Variants in CDK14 observed in about 807,000 individuals in gnomAD.
CDK14 encodes cyclin dependent kinase 14.
Under a neutral mutation model 60.7 loss-of-function variants are expected in CDK14, and 34 were observed. The ratio of observed to expected loss-of-function variants is 0.56; its 90% CI spans 0.43 to 0.75. CDK14 has a LOEUF of 0.75. Ranked by LOEUF, CDK14 falls within the 30% of genes least tolerant of loss-of-function variation. The pLI, the probability that CDK14 is intolerant of heterozygous loss-of-function variation, is 0.00. For missense variants in CDK14, 482 were observed against 564.1 expected (o/e 0.85, Z 1.47); for synonymous variants, 197 against 203.7 (o/e 0.97, Z 0.28).
chr7:90,713,982 C>T (rs962476265), intron 2 of CDK14, among the ~76,000 whole-genome samples: 1 of 152,058 alleles, frequency 6.6e-6, no homozygotes, highest in South Asian at 2.1e-4. Context: ...GTAATAAGAG[C>T]TCAACAAGTT....
intron 7 of CDK14, among the ~76,000 whole-genome samples, chr7:90,909,833 A>G (rs553677854): frequency 5.3e-5 from 8 of 152,336 alleles, no homozygotes; most frequent in African/African-American, 1.7e-4. Context: ...ATCTTAAAGA[A>G]TGTAAATTAA....
chr7:90,996,618 C>T (rs1795690133), intron 10 of CDK14, among the ~76,000 whole-genome samples: 1 of 152,200 alleles, frequency 6.6e-6, no homozygotes, highest in African/African-American at 2.4e-5. Context: ...TCATTTGTCT[C>T]TTTTGACAAT....
intron 2 of CDK14, among the ~76,000 whole-genome samples, chr7:90,699,528 A>G (rs1015002356): frequency 2.0e-5 from 3 of 152,174 alleles, no homozygotes; most frequent in African/African-American, 7.2e-5. Context: ...TTGAGTTTAC[A>G]TTATTCTTAA....
chr7:90,635,566 G>A (rs1409937083), intron 2 of CDK14, among the ~76,000 whole-genome samples: 1 of 152,204 alleles, frequency 6.6e-6, no homozygotes, highest in Non-Finnish European at 1.5e-5. Flanking sequence ...GTCAGGTATT[G>A]TGATGCCTCC....
chr7:90,963,921 G>A (rs1369942196), intron 9 of CDK14, among the ~76,000 whole-genome samples: 1 of 151,838 alleles, frequency 6.6e-6, no homozygotes, highest in Non-Finnish European at 1.5e-5. Context: ...TCACCATGTT[G>A]GTCAGGCTGG....
intron 14 of CDK14, among the ~76,000 whole-genome samples, chr7:91,191,594 A>C (rs1802363886): frequency 6.6e-6 from 1 of 151,726 alleles, no homozygotes; most frequent in Non-Finnish European, 1.5e-5. Context: ...TAGTTCTTCA[A>C]ACATACCACA....
At position 90,653,722 on chromosome 7, in the gene CDK14, G is replaced by A. The variant is rs180875667; in HGVS notation, c.123+49473G>A. On this transcript the variant is annotated intron_variant, in intron 2 of 14. Transcript: ENST00000380050. Reference sequence around the variant, plus strand: ...CTAGGGTACATGTGCACAATGTGCAGGTTTGTTACATATGTATACATGTGC... The same window carrying A: ...CTAGGGTACATGTGCACAATGTGCAAGTTTGTTACATATGTATACATGTGC... Among the ~76,000 whole-genome samples, 200 of 152,162 alleles carry A rather than the reference G, an allele frequency of 1.3e-3. 3 individuals carry two copies. Among genetic ancestry groups the A allele is most frequent in the Middle Eastern group, 3.4e-3 (1 of 294 alleles).
chr7:90,703,888 C>T (rs907819147), intron 2 of CDK14, among the ~76,000 whole-genome samples: 1 of 152,154 alleles, frequency 6.6e-6, no homozygotes, highest in Non-Finnish European at 1.5e-5. Flanking sequence ...GAGTTTGAGA[C>T]CAACCTGGGC....
At chr7:91,174,390 C>T (rs1221002644) in intron 14 of CDK14, among the ~76,000 whole-genome samples, 3 of 149,818 alleles carry the variant, frequency 2.0e-5, no homozygotes, top group Non-Finnish European at 4.5e-5. Context: ...AACTCTAAAA[C>T]GCAGAGCGCC....
At chr7:90,769,492 G>T (rs1180065979) in intron 4 of CDK14, among the ~76,000 whole-genome samples, 1 of 143,518 alleles carries the variant, frequency 7.0e-6, no homozygotes. Flanking sequence ...TTTTGACTGA[G>T]CCCTCATTCT....
At chr7:91,144,298 T>C (rs2115638236) in intron 14 of CDK14, among the ~76,000 whole-genome samples, 1 of 152,340 alleles carries the variant, frequency 6.6e-6, no homozygotes, top group African/African-American at 2.4e-5. Context: ...CAAATAGATA[T>C]CACAGTTATT....
At chr7:90,883,727 A>G (rs1791843279) in intron 6 of CDK14, among the ~76,000 whole-genome samples, 1 of 152,166 alleles carries the variant, frequency 6.6e-6, no homozygotes, top group Non-Finnish European at 1.5e-5. Flanking sequence ...GCACATCAAA[A>G]ATCTTATCCA....
intron 9 of CDK14, among the ~76,000 whole-genome samples, chr7:90,968,398 T>A (rs569570321): frequency 3.9e-4 from 60 of 152,334 alleles, no homozygotes; most frequent in African/African-American, 1.4e-3. Flanking sequence ...ATTCATAGTA[T>A]GTGACAGTCG....
chr7:90,739,947 A>G (rs910768668), intron 3 of CDK14, among the ~76,000 whole-genome samples: 2 of 152,148 alleles, frequency 1.3e-5, no homozygotes, highest in East Asian at 3.9e-4. Context: ...AACATAACCC[A>G]CACAGGACTA....
At chr7:90,900,337 A>G (rs759587173) in intron 7 of CDK14, among the ~76,000 whole-genome samples, 1 of 152,118 alleles carries the variant, frequency 6.6e-6, no homozygotes, top group Non-Finnish European at 1.5e-5. Flanking sequence ...GTGTTTTATT[A>G]GATTGCCTTT....
chr7:91,039,377 T>C (rs1797022979), intron 10 of CDK14, among the ~76,000 whole-genome samples: 1 of 152,202 alleles, frequency 6.6e-6, no homozygotes, highest in Admixed American at 6.5e-5. Flanking sequence ...TCAGTACATT[T>C]CTGTTTATTA....
At chr7:90,641,224 C>G (rs1800321088) in intron 2 of CDK14, among the ~76,000 whole-genome samples, 1 of 151,950 alleles carries the variant, frequency 6.6e-6, no homozygotes, top group African/African-American at 2.4e-5. Context: ...TCTGTAGTTC[C>G]TCAAATAGTT....
intron 10 of CDK14, among the ~76,000 whole-genome samples, chr7:91,035,593 A>G (rs1796903992): frequency 9.2e-6 from 1 of 109,088 alleles, no homozygotes. Flanking sequence ...ACCTTTCTGA[A>G]TACACTCCAC....
chr7:90,994,198 T>TCG (rs141839466), intron 10 of CDK14, among the ~76,000 whole-genome samples: 22,231 of 152,188 alleles, frequency 0.15, 1,840 homozygotes, highest in Middle Eastern at 0.28. Flanking sequence ...AGACACATGG[T>TCG]AGCTGGAGCT....
Sources: allele counts gnomAD v4.1 joint callset (sites outside exome capture counted in the v4.1 genomes callset), GRCh38; gene constraint gnomAD v4.1.1; transcripts MANE v1.5; gene names NCBI Gene and HGNC (gene_info 2026-07-23, HGNC 2026-07-21).